DNM2: variants seen among roughly 807,000 people sequenced by gnomAD.
DNM2 encodes the protein dynamin-2.
In DNM2, 15 loss-of-function variants were observed where a neutral mutation model predicts 99.0. The ratio of observed to expected loss-of-function variants is 0.15; its 90% CI spans 0.10 to 0.23. DNM2 has a LOEUF of 0.23. Among genes scored for constraint, DNM2 ranks in the 10% least tolerant of loss-of-function variants. The pLI, the probability that DNM2 is intolerant of heterozygous loss-of-function variation, is 1.00. For missense variants in DNM2, 742 were observed against 1,189.4 expected (o/e 0.62, Z 5.53); for synonymous variants, 525 against 481.2 (o/e 1.09, Z -1.19).
chr19:10,814,623 C>T (rs1400455078), intron 15 of DNM2, among the ~76,000 whole-genome samples: 1 of 152,184 alleles, frequency 6.6e-6, no homozygotes, highest in African/African-American at 2.4e-5. Context: ...CCCACCTTTC[C>T]CAGCCTCTAG....
chr19:10,819,368 C>T lies in DNM2; in HGVS notation c.1672-612C>T, dbSNP rs767767263. ...CCAAGGTTGAAATCCCAGCCCTGCT[C>T]CTCTCTGCCTCAGTCTTCCCCTCTG... On this transcript the variant is annotated intron_variant, in intron 15 of 20. Transcript: ENST00000389253. 3.9e-4 allele frequency among the ~76,000 whole-genome samples: 59 copies of T among 152,204 alleles called. 1 individual carries two copies. The highest frequency in any genetic ancestry group is 2.9e-4 in the Non-Finnish European group (20 of 68,040).
chr19:10,757,317 C>T (rs888120257), intron 1 of DNM2, among the ~76,000 whole-genome samples: 5 of 152,198 alleles, frequency 3.3e-5, no homozygotes, highest in Non-Finnish European at 7.3e-5. Context: ...GACAGCCCCC[C>T]GGCTGACGGG....
chr19:10,797,262 G>T (rs2071968593), intron 9 of DNM2, 118 bp from the exon 10 acceptor site: 10 of 1,445,512 alleles, frequency 6.9e-6, no homozygotes, highest in Non-Finnish European at 8.5e-6. Context: ...GCTCCCCCAT[G>T]CATGGACTAA....
At chr19:10,722,036 T>C (rs2068957888) in intron 1 of DNM2, among the ~76,000 whole-genome samples, 1 of 152,192 alleles carries the variant, frequency 6.6e-6, no homozygotes, top group Non-Finnish European at 1.5e-5. Flanking sequence ...TTCTGTAAGC[T>C]GAGGGTGGTA....
At chr19:10,829,408 C>G in intron 19 of DNM2, 140 bp downstream of exon 19, 3 of 1,119,392 alleles carry the variant, frequency 2.7e-6, no homozygotes, top group Non-Finnish European at 3.9e-6. Context: ...GGAGCTGCTG[C>G]CCTGCTGAGG....
intron 1 of DNM2, among the ~76,000 whole-genome samples, chr19:10,756,704 C>A (rs933455822): frequency 4.6e-5 from 7 of 152,084 alleles, no homozygotes; most frequent in African/African-American, 1.7e-4. Flanking sequence ...TCCCCCAGAG[C>A]CTTGCAAGTG....
At chr19:10,802,018 G>T (rs546210837) in intron 11 of DNM2, among the ~76,000 whole-genome samples, 14 of 152,010 alleles carry the variant, frequency 9.2e-5, no homozygotes, top group Non-Finnish European at 1.5e-5. Flanking sequence ...AGGGTCACAC[G>T]GCCAATTAGT....
chr19:10,752,939 C>T (rs531179143), intron 1 of DNM2, among the ~76,000 whole-genome samples: 3 of 152,122 alleles, frequency 2.0e-5, no homozygotes, highest in Admixed American at 1.3e-4. Context: ...CAGTGAGACT[C>T]TGTCTGTTAA....
intron 16 of DNM2, among the ~76,000 whole-genome samples, chr19:10,821,776 C>T (rs2072978640): frequency 6.6e-6 from 1 of 152,164 alleles, no homozygotes; most frequent in Admixed American, 6.5e-5. Context: ...GGTGATCCAC[C>T]CACCTCGGCC....
rs554351651 is a variant in DNM2 at position 10,830,475 on chromosome 19, G to C, written c.2543+97G>C. On this transcript the variant is annotated intron_variant, in intron 20 of 20. Transcript: ENST00000389253. The surrounding 1 kb of genome is among the most constrained non-coding windows in gnomAD (Gnocchi z 4.8). The stretch of plus-strand genomic sequence containing the variant: ...CCAGTGAGCTCTCACTACGTGCCCA[G>C]CTGCTGGAGTGGAGGAATCGTCCTC... The C allele has an allele frequency of 2.0e-5, 27 of 1,382,468 alleles. No homozygotes were observed. The South Asian group carries it at 3.3e-4, about 17-fold the overall frequency. The allele number at this position is 1,382,468 out of a possible 1,614,324, so 85.6% of individuals were successfully genotyped here.
intron 1 of DNM2, among the ~76,000 whole-genome samples, chr19:10,743,433 G>T (rs558043264): frequency 3.3e-5 from 5 of 151,910 alleles, no homozygotes; most frequent in African/African-American, 1.2e-4. Context: ...CCAGATCTTT[G>T]GGAGGCTGAG....
rs759849283 is a variant in DNM2 at position 10,811,894 on chromosome 19, C to G, written c.1558-370C>G. ...CCTAGCCCTCTGTGTGGATGCTACC[C>G]TTGGAACCTTATCTCACGCAAACAA... On this transcript the variant is annotated intron_variant, in intron 14 of 20. Coordinates refer to ENST00000389253, the MANE Select transcript of DNM2 (RefSeq NM_001005361.3). The surrounding 1 kb of genome is among the most constrained non-coding windows in gnomAD (Gnocchi z 5.4). 2 of 472,250 alleles carry G rather than the reference C, an allele frequency of 4.2e-6. No homozygotes were observed. The highest frequency in any genetic ancestry group is 8.5e-6 in the Non-Finnish European group (2 of 236,092). The allele number at this position is 472,250 out of a possible 1,614,324, so 29.3% of individuals were successfully genotyped here.
At chr19:10,789,560 C>T (rs1021709852) in intron 7 of DNM2, among the ~76,000 whole-genome samples, 1 of 151,680 alleles carries the variant, frequency 6.6e-6, no homozygotes, top group Admixed American at 6.6e-5. Context: ...AGGCTGGGGA[C>T]GATGGTTCAC....
chr19:10,768,691 C>T (rs1312372570), intron 2 of DNM2: 1 of 152,124 alleles, frequency 6.6e-6, no homozygotes, highest in African/African-American at 2.4e-5. Context: ...CCTGAGGTTC[C>T]GGGGGAACCT....
chr19:10,731,916 G>A (rs2069334209), intron 1 of DNM2, among the ~76,000 whole-genome samples: 1 of 151,950 alleles, frequency 6.6e-6, no homozygotes, highest in Non-Finnish European at 1.5e-5. Flanking sequence ...CCTGGAATGT[G>A]CTCCCAGCAC....
Position 10,826,793 on chromosome 19 carries a change from A to G in DNM2, c.2058+1572A>G, listed in dbSNP as rs1373933760. Among the ~76,000 whole-genome samples, 5 of 152,218 alleles carry G rather than the reference A, an allele frequency of 3.3e-5. No homozygotes were observed. In the East Asian group the frequency reaches 9.7e-4, roughly 29 times the overall value. On this transcript the variant is annotated intron_variant, in intron 18 of 20. Transcript: ENST00000389253. ...TCCCAGCTACTCAGAAGACCGAGGT[A>G]AGAGCATCACTTGAGCCCAGGAGGT...
chr19:10,821,811 G>A (rs1318314116), intron 16 of DNM2, among the ~76,000 whole-genome samples: 1 of 152,134 alleles, frequency 6.6e-6, no homozygotes, highest in Non-Finnish European at 1.5e-5. Context: ...GATTACAGGT[G>A]TGAGCTACTG....
At chr19:10,721,994 G>A (rs1242538626) in intron 1 of DNM2, among the ~76,000 whole-genome samples, 2 of 152,182 alleles carry the variant, frequency 1.3e-5, no homozygotes, top group Non-Finnish European at 2.9e-5. Context: ...ACTCGGCCAC[G>A]TGGATTTGGC....
chr19:10,760,291 T>A (rs1026113129), intron 2 of DNM2, among the ~76,000 whole-genome samples: 2 of 151,904 alleles, frequency 1.3e-5, no homozygotes, highest in Admixed American at 6.6e-5. Context: ...CCCTCTCACT[T>A]CGGCCTCCCT....
Sources: allele counts gnomAD v4.1 joint callset (sites outside exome capture counted in the v4.1 genomes callset), GRCh38; gene constraint gnomAD v4.1.1; non-coding constraint Gnocchi (gnomAD v3.1); transcripts MANE v1.5; gene names NCBI Gene and HGNC (gene_info 2026-07-23, HGNC 2026-07-21).